The following SMARCC1 variants were observed in gnomAD, a reference collection of about 807,000 sequenced individuals.
The protein encoded by SMARCC1 is SWI/SNF related BAF chromatin remodeling complex subunit C1.
Under a neutral mutation model 147.4 loss-of-function variants are expected in SMARCC1, and 43 were observed. The observed-to-expected ratio is 0.29, with a 90% CI of 0.23 to 0.38. The LOEUF (loss-of-function observed/expected upper bound fraction) is 0.38. Ranked by LOEUF, SMARCC1 falls within the 10% of genes least tolerant of loss-of-function variation. SMARCC1 has a pLI of 1.00. For synonymous variants in SMARCC1, 495 were observed against 484.4 expected (o/e 1.02, Z -0.29); for missense variants, 1,119 against 1,381.1 (o/e 0.81, Z 3.01).
chr3:47,736,086 T>C lies in SMARCC1; in HGVS notation c.524A>G (p.Asp175Gly). The change falls in exon 5 of 28, where the codon GAC (aspartate) becomes GGC (glycine). Residue 175 changes from aspartate (D) to glycine (G), a missense_variant. Asp to Gly is a moderately conservative substitution (Grantham distance 94). Coordinates refer to ENST00000254480, the MANE Select transcript of SMARCC1 (RefSeq NM_003074.4). ...LTRPNIYLIP[D>G]IDLKLANKLK... is the part of the protein sequence containing the mutation. Reference sequence around the variant, plus strand: ...TTTGTTAGCCAACTTCAGATCAATGTCTGGAATGAGGTAGATGTTGGGTCT... The same window carrying C: ...TTTGTTAGCCAACTTCAGATCAATGCCTGGAATGAGGTAGATGTTGGGTCT... 6.2e-7 allele frequency: 1 copy of C among 1,603,092 alleles called. No individual in the cohort carries two copies. The highest frequency in any genetic ancestry group is 1.3e-5 in the African/African-American group (1 of 74,596).
At position 47,661,446 on chromosome 3, in the gene SMARCC1, G is replaced by A. The variant is rs755010358; in HGVS notation, c.2168C>T (p.Ser723Phe). 4 of 1,602,784 alleles carry A rather than the reference G, an allele frequency of 2.5e-6. No individual in the cohort carries two copies. The highest frequency in any genetic ancestry group is 2.5e-6 in the Non-Finnish European group (3 of 1,177,144). ...AAAKAALEEF[S>F]RVREEVPLEL... ...CAGTGGTACCTCCTCCCGGACCCGA[G>A]AAAACTCCTCTGGTTCAAGAATAAA... The change falls in exon 21 of 28, where the codon TCT (serine) becomes TTT (phenylalanine). Residue 723 changes from serine to phenylalanine, a missense_variant. Physicochemically the swap from Ser to Phe is radical, Grantham distance 155. Transcript: ENST00000254480.
At chr3:47,744,966 A>C (rs1334712957) in intron 3 of SMARCC1, among the ~76,000 whole-genome samples, 1 of 152,126 alleles carries the variant, frequency 6.6e-6, no homozygotes, top group Non-Finnish European at 1.5e-5. Context: ...AGATAACTTT[A>C]TCTCTTAAAA....
At chr3:47,613,787 C>T (rs923126315) in intron 25 of SMARCC1, among the ~76,000 whole-genome samples, 2 of 152,130 alleles carry the variant, frequency 1.3e-5, no homozygotes, top group Non-Finnish European at 2.9e-5. Flanking sequence ...ATCCTGAGCC[C>T]CCACTTCCCC....
intron 26 of SMARCC1, chr3:47,604,696 G>T (rs368615166): frequency 2.8e-3 from 79 of 27,964 alleles, no homozygotes; most frequent in Admixed American, 6.7e-3. Flanking sequence ...ATTTACTGTT[G>T]TTCTTTTTTT....
intron 1 of SMARCC1, among the ~76,000 whole-genome samples, chr3:47,778,210 C>A (rs13081704): frequency 0.7 from 88,285 of 126,100 alleles, 31,416 homozygotes; most frequent in African/African-American, 0.75. Context: ...AAACAAAAAA[C>A]AAAAAACAAA....
intron 21 of SMARCC1, among the ~76,000 whole-genome samples, chr3:47,654,206 A>G (rs1347401508): frequency 2.6e-5 from 4 of 152,192 alleles, no homozygotes; most frequent in African/African-American, 9.6e-5. Context: ...CAACTCCATA[A>G]CCACAGAGAA....
chr3:47,634,782 AG>A (rs561307786), intron 24 of SMARCC1, among the ~76,000 whole-genome samples: 186 of 152,342 alleles, frequency 1.2e-3, no homozygotes, highest in African/African-American at 4.1e-3. Flanking sequence ...CTGTAAGATC[AG>A]GGTGAAGTAT....
At chr3:47,640,939 A>G (rs914980658) in intron 21 of SMARCC1, among the ~76,000 whole-genome samples, 2 of 152,162 alleles carry the variant, frequency 1.3e-5, no homozygotes, top group African/African-American at 4.8e-5. Flanking sequence ...CTACAAACCT[A>G]TTTAATTAAA....
At chr3:47,592,740 A>G (rs1156772135) in intron 26 of SMARCC1, among the ~76,000 whole-genome samples, 1 of 152,110 alleles carries the variant, frequency 6.6e-6, no homozygotes, top group Non-Finnish European at 1.5e-5. Flanking sequence ...CTGGAACTAC[A>G]GGTGAGCACC....
chr3:47,689,485 G>C, intron 12 of SMARCC1, 61 bp from the exon 13 acceptor site: 1 of 1,388,254 alleles, frequency 7.2e-7, no homozygotes, highest in Non-Finnish European at 1.0e-6. Flanking sequence ...GGGTTATTTG[G>C]AAAATTAATG....
In SMARCC1 at chr3:47,654,478, G is replaced by A. The variant is rs565140665; in HGVS notation, c.2320+6816C>T. On this transcript the variant is annotated intron_variant, in intron 21 of 27. Transcript: ENST00000254480. ...AGTTGGTACTCTAGGTGTAACCAAC[G>A]TTAAGAAGAGTTAGAACAATAATTT... is the stretch of plus-strand genomic sequence containing the variant. 8.7e-4 allele frequency among the ~76,000 whole-genome samples: 133 copies of A among 152,308 alleles called. 2 individuals are homozygous for A. The highest frequency in any genetic ancestry group is 6.8e-3 in the Middle Eastern group (2 of 294).
rs75410171 is a variant in SMARCC1 at position 47,704,369 on chromosome 3, A to T, written c.1040+2040T>A. 2.5e-3 allele frequency among the ~76,000 whole-genome samples: 376 copies of T among 152,362 alleles called. 17 individuals carry two copies. In the East Asian group the frequency reaches 0.065, roughly 26 times the overall value. ...AAATGAGAAAAGGCGTGGTCATTAC[A>T]AGGCAAATGTATTCCATTAAAGTAC... is the stretch of plus-strand genomic sequence containing the variant. On this transcript the variant is annotated intron_variant, in intron 10 of 27. Transcript: ENST00000254480.
intron 8 of SMARCC1, among the ~76,000 whole-genome samples, chr3:47,711,572 T>G (rs752652565): frequency 6.6e-6 from 1 of 152,160 alleles, no homozygotes; most frequent in Non-Finnish European, 1.5e-5. Context: ...ACATGTTCAG[T>G]CAAGAACAGA....
chr3:47,637,401 T>C (rs749314894), intron 22 of SMARCC1, among the ~76,000 whole-genome samples: 5 of 152,124 alleles, frequency 3.3e-5, no homozygotes, highest in African/African-American at 4.8e-5. Context: ...CTATGTGCAG[T>C]AACAGTATTA....
At chr3:47,711,070 C>A (rs955474659) in intron 8 of SMARCC1, among the ~76,000 whole-genome samples, 2 of 152,172 alleles carry the variant, frequency 1.3e-5, no homozygotes, top group African/African-American at 2.4e-5. Flanking sequence ...TTTGCTTAAT[C>A]ATTTCATCCT....
chr3:47,733,977 G>A (rs1018263144), intron 5 of SMARCC1, among the ~76,000 whole-genome samples: 2 of 150,776 alleles, frequency 1.3e-5, no homozygotes, highest in African/African-American at 2.4e-5. Flanking sequence ...GTACGTGTGT[G>A]TATATATATA....
chr3:47,602,867 G>A (rs2032411078), intron 26 of SMARCC1, among the ~76,000 whole-genome samples: 1 of 152,130 alleles, frequency 6.6e-6, no homozygotes, highest in African/African-American at 2.4e-5. Flanking sequence ...TGCCTAGGAC[G>A]GGCTGGGCCT....
chr3:47,644,278 C>T (rs2033089927), intron 21 of SMARCC1, among the ~76,000 whole-genome samples: 2 of 151,932 alleles, frequency 1.3e-5, no homozygotes, highest in African/African-American at 4.8e-5. Flanking sequence ...GCCAAGAGTT[C>T]GAGACCAGCC....
intron 19 of SMARCC1, chr3:47,664,000 T>C (rs761994993): frequency 2.4e-5 from 22 of 902,264 alleles, no homozygotes; most frequent in Middle Eastern, 2.3e-4. Flanking sequence ...GCACTGGCCC[T>C]ACCATGGGAC....
Sources: gnomAD v4.1 joint callset for allele counts (sites outside exome capture counted in the v4.1 genomes callset) on GRCh38, gnomAD v4.1.1 for gene constraint, MANE v1.5 for transcripts, NCBI Gene and HGNC (gene_info 2026-07-23, HGNC 2026-07-21) for gene names.